The following PCDH15 variants were observed in gnomAD, a reference collection of about 807,000 sequenced individuals.
PCDH15 encodes protocadherin related 15.
In PCDH15, 129 loss-of-function variants were observed where a neutral mutation model predicts 178.5. The ratio of observed to expected loss-of-function variants is 0.72; its 90% CI spans 0.63 to 0.84. PCDH15 has a LOEUF of 0.84. PCDH15 is among the 40% of genes least tolerant of loss of function. The pLI, the probability that PCDH15 is intolerant of heterozygous loss-of-function variation, is 0.00. For synonymous variants in PCDH15, 800 were observed against 732.0 expected (o/e 1.09, Z -1.50); for missense variants, 2,230 against 2,099.9 (o/e 1.06, Z -1.21).
intron 2 of PCDH15, among the ~76,000 whole-genome samples, chr10:55,437,573 G>A (rs1217732320): frequency 6.6e-6 from 1 of 152,076 alleles, no homozygotes; most frequent in African/African-American, 2.4e-5. Flanking sequence ...AGGTTTAGAA[G>A]ACAGACAGAA....
rs547269466 is a variant in PCDH15 at position 54,903,976 on chromosome 10, T to C, written c.-79-6476A>G. Among the ~76,000 whole-genome samples the C allele has an allele frequency of 8.5e-5, 13 of 152,200 alleles. No homozygotes were observed. In the South Asian group the frequency reaches 2.7e-3, roughly 32 times the overall value. ...TGCACTCTAGACAATGACATATTATTACTATTATGGCACAAATAACTGCCT... is the reference window on the plus strand; with the variant it reads ...TGCACTCTAGACAATGACATATTATCACTATTATGGCACAAATAACTGCCT... On this transcript the variant is annotated intron_variant, in intron 2 of 5. Coordinates refer to the PCDH15 transcript ENST00000458638.
intron 3 of PCDH15, among the ~76,000 whole-genome samples, chr10:54,892,227 C>T (rs1349948320): frequency 6.6e-6 from 1 of 152,082 alleles, no homozygotes; most frequent in Non-Finnish European, 1.5e-5. Context: ...TCCTCCCTAG[C>T]TAACAAGAAT....
chr10:54,179,121 A>G (rs1222717498), intron 13 of PCDH15, among the ~76,000 whole-genome samples: 1 of 152,152 alleles, frequency 6.6e-6, no homozygotes, highest in Non-Finnish European at 1.5e-5. Flanking sequence ...ATACACACGT[A>G]TGTTTATTGC....
chr10:54,838,690 G>A (rs1187761965), intron 3 of PCDH15, among the ~76,000 whole-genome samples: 1 of 152,120 alleles, frequency 6.6e-6, no homozygotes, highest in African/African-American at 2.4e-5. Flanking sequence ...CGCAGCTGCA[G>A]TCTAGGAGTA....
chr10:54,708,820 T>A (rs1309725696), intron 1 of PCDH15, among the ~76,000 whole-genome samples: 1 of 148,500 alleles, frequency 6.7e-6, no homozygotes, highest in Non-Finnish European at 1.5e-5. Context: ...GTGCGTGTGG[T>A]CATCTTTATT....
intron 26 of PCDH15, among the ~76,000 whole-genome samples, chr10:53,888,318 G>GTATATATATGTGTGTACATATATA (rs1238264864): frequency 1.1e-5 from 1 of 91,824 alleles, no homozygotes; most frequent in African/African-American, 5.6e-5. Flanking sequence ...ATGTATATAT[G>GTATATATATGTGTGTACATATATA]TACGTATATA....
chr10:54,134,136 C>T lies in PCDH15; in HGVS notation c.1785-1129G>A, dbSNP rs1021888291. ...TTTGCTCATTGCAACCCCCACCTCC[C>T]GGGTTCAAGTGATTCTCCTGCCTCA... On this transcript the variant is annotated intron_variant, in intron 14 of 37. Coordinates refer to ENST00000644397, the MANE Select transcript of PCDH15 (RefSeq NM_001384140.1). Among the ~76,000 whole-genome samples, 6 of 134,452 alleles carry T rather than the reference C, an allele frequency of 4.5e-5. 1 individual carries two copies. Among genetic ancestry groups the T allele is most frequent in the South Asian group, 2.7e-4 (1 of 3,644 alleles). 88.2% of individuals were successfully genotyped at this position (134,452 alleles called of 152,430 possible).
intron 15 of PCDH15, among the ~76,000 whole-genome samples, chr10:54,122,494 C>T (rs1204035207): frequency 6.6e-6 from 1 of 151,290 alleles, no homozygotes; most frequent in Non-Finnish European, 1.5e-5. Flanking sequence ...CTATTCAGGA[C>T]AACACTGGAA....
At chr10:55,461,539 T>TG (rs11380410) in intron 2 of PCDH15, among the ~76,000 whole-genome samples, 116,276 of 151,930 alleles carry the variant, frequency 0.77, 45,854 homozygotes, top group East Asian at 0.99. Context: ...AGACACAGAA[T>TG]TTGATCTTAT....
chr10:53,968,522 G>C (rs1167399768), intron 21 of PCDH15, among the ~76,000 whole-genome samples: 1 of 152,156 alleles, frequency 6.6e-6, no homozygotes, highest in Non-Finnish European at 1.5e-5. Flanking sequence ...CCAGCACAGA[G>C]TTTGAGATCT....
intron 2 of PCDH15, among the ~76,000 whole-genome samples, chr10:54,917,609 CT>C (rs1373416981): frequency 6.6e-6 from 1 of 152,154 alleles, no homozygotes; most frequent in Non-Finnish European, 1.5e-5. Flanking sequence ...TCTGGGAAGG[CT>C]AGAAACTATG....
At chr10:54,107,205 ATAT>A (rs2094931602) in intron 15 of PCDH15, among the ~76,000 whole-genome samples, 2 of 152,246 alleles carry the variant, frequency 1.3e-5, no homozygotes, top group Admixed American at 1.3e-4. Context: ...ACAAGAGATA[ATAT>A]TAACACCAAA....
At chr10:55,208,428 C>A (rs192007401) in intron 1 of PCDH15, among the ~76,000 whole-genome samples, 107 of 152,138 alleles carry the variant, frequency 7.0e-4, no homozygotes, top group African/African-American at 2.3e-3. Flanking sequence ...CTGCTTCCCA[C>A]CTCTCACATT....
At chr10:55,172,551 A>G (rs1053564397) in intron 1 of PCDH15, among the ~76,000 whole-genome samples, 2 of 152,076 alleles carry the variant, frequency 1.3e-5, no homozygotes, top group African/African-American at 2.4e-5. Context: ...ATAAATCATT[A>G]TAACACCATT....
intron 34 of PCDH15, among the ~76,000 whole-genome samples, 176 bp downstream of exon 34, chr10:53,817,819 A>G (rs879603136): frequency 5.9e-5 from 9 of 152,002 alleles, no homozygotes; most frequent in Non-Finnish European, 1.0e-4. Context: ...GAGATTTAAA[A>G]CCTTAAAACA....
At chr10:55,176,440 T>C (rs962568722) in intron 1 of PCDH15, among the ~76,000 whole-genome samples, 7 of 152,024 alleles carry the variant, frequency 4.6e-5, no homozygotes, top group Admixed American at 1.3e-4. Context: ...CAAGGGAAAA[T>C]TGGCTGGGCC....
rs1947374352 is a variant in PCDH15, at chr10:54,757,919, T to A, written c.-29+43006A>T. The stretch of plus-strand genomic sequence containing the variant: ...AGATTCCTCAGGAGGTCTTATTGGG[T>A]CTCTGAATACAGCCATGCCTGAAAA... On this transcript the variant is annotated intron_variant, in intron 1 of 37. Transcript: ENST00000644397. Among the ~76,000 whole-genome samples, 3 of 152,258 alleles carry A rather than the reference T, an allele frequency of 2.0e-5. No homozygotes were observed. In the South Asian group the frequency reaches 6.2e-4, roughly 32 times the overall value.
At chr10:54,315,564 T>C (rs2061196784) in intron 8 of PCDH15, among the ~76,000 whole-genome samples, 1 of 152,192 alleles carries the variant, frequency 6.6e-6, no homozygotes, top group South Asian at 2.1e-4. Context: ...TTTGCTTTTG[T>C]TGCAATTGCT....
At chr10:55,173,309 A>ATGTGTGTGTGTGTGTG (rs775260037) in intron 1 of PCDH15, among the ~76,000 whole-genome samples, 3,646 of 132,856 alleles carry the variant, frequency 0.027, 69 homozygotes, top group Middle Eastern at 0.039. Context: ...TAGAAAGATT[A>ATGTGTGTGTGTGTGTG]TGTGTGTGTG....
Sources: gnomAD v4.1 joint callset for allele counts (sites outside exome capture counted in the v4.1 genomes callset) on GRCh38, gnomAD v4.1.1 for gene constraint, MANE v1.5 for transcripts, NCBI Gene and HGNC (gene_info 2026-07-23, HGNC 2026-07-21) for gene names.